The following ALG1 variants were observed in gnomAD, a reference collection of about 807,000 sequenced individuals.
ALG1 encodes chitobiosyldiphosphodolichol beta-mannosyltransferase.
ALG1 carries 58 observed loss-of-function variants against 55.1 expected under a neutral mutation model. The ratio of observed to expected loss-of-function variants is 1.05; its 90% CI spans 0.85 to 1.31. The LOEUF (loss-of-function observed/expected upper bound fraction) is 1.31, where lower values mean the gene tolerates loss of function less well. Among genes scored for constraint, ALG1 ranks in the 50% most tolerant of loss-of-function variants. The pLI, the probability that ALG1 is intolerant of heterozygous loss-of-function variation, is 0.00. For missense variants in ALG1, 761 were observed against 598.6 expected (o/e 1.27, Z -2.83); for synonymous variants, 309 against 247.0 (o/e 1.25, Z -2.35).
rs769838994 is a variant in ALG1, at chr16:5,077,943, T to C, written c.666T>C (p.Phe222=). The C allele has an allele frequency of 6.2e-7, 1 of 1,607,204 alleles. No homozygotes were observed. The highest frequency in any genetic ancestry group is 1.7e-5 in the Admixed American group (1 of 60,006). ...VTVYDKPASF[F]KETPLDLQHR... ...TCTACGACAAGCCCGCATCTTTCTT[T>C]AAAGAGACACCTCTGGACCTGCAGC... Residue 222 remains phenylalanine (F), a synonymous_variant, in exon 6 of 13, where the codon TTT becomes TTC. Transcript: ENST00000262374.
chr16:5,083,355 G>A (rs1266972637), intron 11 of ALG1, among the ~76,000 whole-genome samples: 2 of 152,180 alleles, frequency 1.3e-5, no homozygotes, highest in Non-Finnish European at 2.9e-5. Flanking sequence ...AGTCCCCAGG[G>A]CGTTGCCTTT....
In ALG1 at chr16:5,084,798, C is replaced by T. The variant is rs16835020; in HGVS notation, c.1312C>T (p.Arg438Trp). Residue 438 changes from arginine (R) to tryptophan (W), a missense_variant, in exon 13 of 13, where the codon CGG becomes TGG. Coordinates refer to ENST00000262374, the MANE Select transcript of ALG1 (RefSeq NM_019109.5). ...PDPAGKLNQF[R>W]KNLRESQQLR... The stretch of plus-strand genomic sequence containing the variant: ...TCCTGCGGGCAAGCTAAACCAGTTC[C>T]GGAAGAACCTGCGGGAGTCGCAGCA... 15 of 1,596,316 alleles carry T rather than the reference C, an allele frequency of 9.4e-6. No homozygotes were observed. Among genetic ancestry groups the T allele is most frequent in the Admixed American group, 3.3e-5 (2 of 59,994 alleles).
intron 9 of ALG1, among the ~76,000 whole-genome samples, chr16:5,080,451 G>A (rs180957084): frequency 2.6e-4 from 39 of 152,314 alleles, no homozygotes; most frequent in African/African-American, 8.9e-4. Context: ...CCCTTTCAAG[G>A]TGACTCAGTG....
chr16:5,075,422 G>C lies in ALG1; in HGVS notation c.425G>C (p.Trp142Ser). 1 of 1,614,180 alleles carries C rather than the reference G, an allele frequency of 6.2e-7. No individual in the cohort carries two copies. The highest frequency in any genetic ancestry group is 2.2e-5 in the East Asian group (1 of 44,880). The change falls in exon 4 of 13, where the codon TGG becomes TCG. Residue 142 changes from tryptophan (W) to serine (S), a missense_variant. Physicochemically the swap from Trp to Ser is radical, Grantham distance 177. Transcript: ENST00000262374. ...PPGLPSIAVC[W>S]FVGCLCGSKL... The stretch of plus-strand genomic sequence containing the variant: ...GGTCTGCCTAGCATTGCTGTCTGCT[G>C]GTTCGTGGGCTGCCTTTGTGGAAGC...
intron 10 of ALG1, 74 bp downstream of exon 10, chr16:5,081,130 G>T (rs893061888): frequency 6.3e-6 from 9 of 1,438,452 alleles, no homozygotes; most frequent in African/African-American, 1.4e-5. Flanking sequence ...TTCTGAAAAG[G>T]TGGCTCTGGA....
At position 5,073,220 on chromosome 16, in the gene ALG1, G is replaced by C; in HGVS notation, c.354G>C (p.Leu118Phe). The change falls in exon 3 of 13, where the codon TTG becomes TTC. Residue 118 changes from leucine (L) to phenylalanine (F), a missense_variant. Physicochemically the swap from Leu to Phe is conservative, Grantham distance 22 (BLOSUM62 0). Transcript: ENST00000262374. ...VLQAMYLLWK[L>F]MWREPGAYIF... is the part of the protein sequence containing the mutation. ...AGGCTATGTACTTGCTGTGGAAGTT[G>C]ATGTGGAGGGAGCCAGGTGCCTATA... is the stretch of plus-strand genomic sequence containing the variant. The C allele has an allele frequency of 6.2e-7, 1 of 1,614,224 alleles. No individual in the cohort carries two copies. Among genetic ancestry groups the C allele is most frequent in the Non-Finnish European group, 8.5e-7 (1 of 1,180,040 alleles).
At chr16:5,076,774 C>T (rs1447833187) in intron 4 of ALG1, among the ~76,000 whole-genome samples, 1 of 150,430 alleles carries the variant, frequency 6.6e-6, no homozygotes, top group East Asian at 1.9e-4. Flanking sequence ...GCTAGTGAGG[C>T]CTTCATTGTA....
At chr16:5,073,916 T>C (rs1334793542) in intron 3 of ALG1, among the ~76,000 whole-genome samples, 7 of 152,154 alleles carry the variant, frequency 4.6e-5, no homozygotes, top group Non-Finnish European at 7.4e-5. Context: ...GGTTACGCCA[T>C]GTTGGCCAGG....
Position 5,081,439 on chromosome 16 carries a change from G to A in ALG1, c.1072+383G>A, listed in dbSNP as rs183281514. 7.6e-4 allele frequency among the ~76,000 whole-genome samples: 116 copies of A among 152,338 alleles called. 2 individuals carry two copies. The East Asian group carries it at 0.015, about 20-fold the overall frequency. ...AGTGAGATGGTTCTCCTTTGCCTCCGTCTCTTTCCCCGTTGATTTCTCCAA... is the reference window on the plus strand; with the variant it reads ...AGTGAGATGGTTCTCCTTTGCCTCCATCTCTTTCCCCGTTGATTTCTCCAA... On this transcript the variant is annotated intron_variant, in intron 10 of 12. Coordinates refer to ENST00000262374, the MANE Select transcript of ALG1 (RefSeq NM_019109.5).
chr16:5,078,197 T>G (rs1956949734), intron 6 of ALG1, 180 bp downstream of exon 6: 1 of 787,882 alleles, frequency 1.3e-6, no homozygotes. Context: ...GCCTTCTGAG[T>G]TGTCTACAGC....
chr16:5,074,925 CAG>C (rs1956881550), intron 3 of ALG1, among the ~76,000 whole-genome samples: 1 of 152,096 alleles, frequency 6.6e-6, no homozygotes, highest in African/African-American at 2.4e-5. Flanking sequence ...GTTTTAGAGG[CAG>C]AGTCTAGCTC....
At position 5,086,301 on chromosome 16, in the gene ALG1, C is replaced by T. The variant is rs1596267714; in HGVS notation, c.*1420C>T. On this transcript the variant is annotated 3_prime_UTR_variant, in exon 13 of 13. Coordinates refer to ENST00000262374, the MANE Select transcript of ALG1 (RefSeq NM_019109.5). Reference sequence around the variant, plus strand: ...AGTGAGCTGAGATTGTGCCACTGCACTCCAGCCTGAGTGACAGGGTGAGAC... The same window carrying T: ...AGTGAGCTGAGATTGTGCCACTGCATTCCAGCCTGAGTGACAGGGTGAGAC... Among the ~76,000 whole-genome samples, 1 of 144,858 alleles carries T rather than the reference C, an allele frequency of 6.9e-6. No individual in the cohort carries two copies. The highest frequency in any genetic ancestry group is 2.2e-4 in the East Asian group (1 of 4,544).
Position 5,071,966 on chromosome 16 carries a change from G to A in ALG1, c.117G>A (p.Val39=), listed in dbSNP as rs777288662. ...GRAARHVVAV[V]LGDVGRSPRM... ...CGGCCCGGCATGTAGTAGCGGTGGT[G>A]CTGGGCGACGTGGGCCGCAGCCCCC... Residue 39 remains valine (V), a synonymous_variant, in exon 1 of 13, where the codon GTG becomes GTA. Transcript: ENST00000262374. 1.3e-6 allele frequency: 2 copies of A among 1,590,440 alleles called. No homozygotes were observed. The highest frequency in any genetic ancestry group is 3.5e-5 in the Admixed American group (2 of 56,726).
At chr16:5,072,827 C>G (rs1399565881) in intron 1 of ALG1, 124 bp from the exon 2 acceptor site, 1 of 925,852 alleles carries the variant, frequency 1.1e-6, no homozygotes, top group South Asian at 1.3e-5. Flanking sequence ...TAGTGAGGAG[C>G]AGAGAGAGGT....
rs750145784 is a variant in ALG1, at chr16:5,077,484, G to A, written c.579G>A (p.Leu193=). 24 of 1,614,068 alleles carry A rather than the reference G, an allele frequency of 1.5e-5. No homozygotes were observed. The Admixed American group carries it at 1.8e-4, about 12-fold the overall frequency. Residue 193 remains leucine (L), a synonymous_variant, in exon 5 of 13, where the codon CTG becomes CTA. Coordinates refer to ENST00000262374, the MANE Select transcript of ALG1 (RefSeq NM_019109.5). The part of the protein sequence containing the change: ...KFFGRLSHLN[L]CVTNAMREDL... ...TTGGGCGCCTGTCCCACCTGAACCTGTGTGTTACCAATGCTATGCGAGAAG... is the reference window on the plus strand; with the variant it reads ...TTGGGCGCCTGTCCCACCTGAACCTATGTGTTACCAATGCTATGCGAGAAG...
At position 5,077,992 on chromosome 16, in the gene ALG1, A is replaced by C. The variant is rs1373315673; in HGVS notation, c.715A>C (p.Ser239Arg). The change falls in exon 6 of 13, where the codon AGC becomes CGC. Residue 239 changes from serine (S) to arginine (R), a missense_variant. Ser to Arg is a moderately radical substitution (Grantham distance 110). Coordinates refer to ENST00000262374, the MANE Select transcript of ALG1 (RefSeq NM_019109.5). ...LQHRLFMKLG[S>R]MHSPFRARSE... ...GCACCGGCTCTTCATGAAGCTGGGC[A>C]GCATGCACTCTCCGTTCAGGGCCCG... The C allele has an allele frequency of 6.6e-5, 106 of 1,600,954 alleles. No individual in the cohort carries two copies. Among genetic ancestry groups the C allele is most frequent in the Non-Finnish European group, 8.6e-5 (102 of 1,179,780 alleles).
Position 5,086,878 on chromosome 16 carries a change from G to C in ALG1, c.*1997G>C, listed in dbSNP as rs8053862. On this transcript the variant is annotated 3_prime_UTR_variant, in exon 13 of 13. Transcript: ENST00000262374. ...GATGGGGTTTCACCATGTGGGCCAG[G>C]CTGGTCTTGAACTCGACCTCCCGTG... The C allele has an allele frequency of 6.6e-6, 1 of 152,168 alleles. No individual in the cohort carries two copies. 9.4% of individuals were successfully genotyped at this position (152,168 alleles called of 1,614,324 possible).
chr16:5,085,590 G>A lies in ALG1; in HGVS notation c.*709G>A. On this transcript the variant is annotated 3_prime_UTR_variant, in exon 13 of 13. Coordinates refer to ENST00000262374, the MANE Select transcript of ALG1 (RefSeq NM_019109.5). ...CCATATAAAAATTCTTCCCATGAGA[G>A]TGACTTGATTCTCACAATCCCGTTG... is the stretch of plus-strand genomic sequence containing the variant. The A allele has an allele frequency of 7.3e-7, 1 of 1,361,172 alleles. No individual in the cohort carries two copies. The highest frequency in any genetic ancestry group is 1.1e-6 in the Non-Finnish European group (1 of 951,092). 84.3% of individuals were successfully genotyped at this position (1,361,172 alleles called of 1,614,324 possible).
Position 5,083,682 on chromosome 16 carries a change from T to A in ALG1, c.1188T>A (p.Cys396Ter), listed in dbSNP as rs387906927. 1.2e-6 allele frequency: 2 copies of A among 1,600,830 alleles called. No individual in the cohort carries two copies. Among genetic ancestry groups the A allele is most frequent in the South Asian group, 1.1e-5 (1 of 90,982 alleles). The change falls in exon 12 of 13, where the codon TGT becomes TGA. Residue 396 changes from cysteine (C) to a stop codon, truncating the protein, a stop_gained and splice_region_variant. Coordinates refer to ENST00000262374, the MANE Select transcript of ALG1 (RefSeq NM_019109.5). LOFTEE classifies it high-confidence loss of function. ...CAGGCTCCCTTGGTTCTCTCTGCAG[T>A]TTACATGAGCTGGTGAAACATGAAG... is the stretch of plus-strand genomic sequence containing the variant. ...CLPVCAVNFK[C>*]LHELVKHEEN...
Sources: gnomAD v4.1 joint callset for allele counts (sites outside exome capture counted in the v4.1 genomes callset) on GRCh38, gnomAD v4.1.1 for gene constraint, MANE v1.5 for transcripts, NCBI Gene and HGNC (gene_info 2026-07-23, HGNC 2026-07-21) for gene names.